PCDHGB3: variants seen among roughly 807,000 people sequenced by gnomAD.
PCDHGB3 encodes the protein protocadherin gamma-B3.
In PCDHGB3, 40 loss-of-function variants were observed where a neutral mutation model predicts 59.2. That is an observed-to-expected ratio of 0.68 (90% confidence interval 0.52 to 0.88). The LOEUF is 0.88. Ranked by LOEUF, PCDHGB3 falls within the 40% of genes least tolerant of loss-of-function variation. PCDHGB3 has a pLI of 0.00. For synonymous variants in PCDHGB3, 581 were observed against 503.6 expected, an observed-to-expected ratio of 1.15 and a Z score of -2.06; for missense variants, 1,309 against 1,187.9, an observed-to-expected ratio of 1.10 and a Z score of -1.50.
At chr5:141,409,437 G>A in intron 1 of PCDHGB3, 1 of 1,613,968 alleles carries the variant, frequency 6.2e-7, no homozygotes, top group Non-Finnish European at 8.5e-7. Context: ...GCCCTGGACC[G>A]AGAGCAGACA....
In PCDHGB3 at chr5:141,410,323, G is replaced by T. The variant is rs1415994094; in HGVS notation, c.2415+37514G>T. 3.7e-6 allele frequency: 6 copies of T among 1,613,884 alleles called. No homozygotes were observed. The South Asian group carries it at 5.5e-5, about 15-fold the overall frequency. ...TCTCAGTGCTCTTCCTCCTCGCCGT[G>T]ATTCTGGCCATTGCCTTGCGCCTGC... is the stretch of plus-strand genomic sequence containing the variant. On this transcript the variant is annotated intron_variant, in intron 1 of 3. Transcript: ENST00000576222.
Position 141,413,313 on chromosome 5 carries a change from C to T in PCDHGB3, c.2415+40504C>T, listed in dbSNP as rs1346034749. The T allele has an allele frequency of 1.9e-6, 3 of 1,613,842 alleles. No homozygotes were observed. The African/African-American group carries it at 4.0e-5, about 22-fold the overall frequency. On this transcript the variant is annotated intron_variant, in intron 1 of 3. Transcript: ENST00000576222. The stretch of plus-strand genomic sequence containing the variant: ...CAATTCCTGAGGAATTAGAGAAAGG[C>T]TCTTTCGTGGGCAACATCTCCAAGG...
At chr5:141,458,081 GTAAGT>G (rs2098936973) in intron 1 of PCDHGB3, among the ~76,000 whole-genome samples, 1 of 152,186 alleles carries the variant, frequency 6.6e-6, no homozygotes, top group Non-Finnish European at 1.5e-5. Context: ...CTATATTGCC[GTAAGT>G]TAAGAGTACT....
chr5:141,492,619 G>A lies in PCDHGB3; in HGVS notation c.2416-2188G>A, dbSNP rs778698501. ...GCGACTGCCGCTCTAAGTGCCGGGC[G>A]GGCAGGACTCTACGATCCTTGGGCC... On this transcript the variant is annotated intron_variant, in intron 1 of 3. Coordinates refer to ENST00000576222, the MANE Select transcript of PCDHGB3 (RefSeq NM_018924.5). 7.8e-4 allele frequency among the ~76,000 whole-genome samples: 118 copies of A among 152,234 alleles called. 1 individual carries two copies. The highest frequency in any genetic ancestry group is 3.3e-3 in the Admixed American group (51 of 15,282).
chr5:141,440,980 C>T (rs972732898), intron 1 of PCDHGB3: 1 of 152,242 alleles, frequency 6.6e-6, no homozygotes. Context: ...GCTTCACAAC[C>T]CAGAGTACCC....
intron 2 of PCDHGB3, among the ~76,000 whole-genome samples, chr5:141,501,620 T>G (rs1393018933): frequency 6.6e-6 from 1 of 152,090 alleles, no homozygotes; most frequent in Non-Finnish European, 1.5e-5. Context: ...GACTCTGGTA[T>G]AGTCTCTCAA....
chr5:141,460,983 G>A (rs12516231), intron 1 of PCDHGB3, among the ~76,000 whole-genome samples: 37,603 of 137,412 alleles, frequency 0.27, 5,103 homozygotes, highest in Admixed American at 0.34. Flanking sequence ...GTGTGTGTGT[G>A]TATATATATA....
chr5:141,488,751 C>T (rs1185515068), intron 1 of PCDHGB3, among the ~76,000 whole-genome samples: 1 of 152,154 alleles, frequency 6.6e-6, no homozygotes, highest in Non-Finnish European at 1.5e-5. Context: ...CAGGAAGTTG[C>T]TGGGACAGAA....
intron 1 of PCDHGB3, among the ~76,000 whole-genome samples, chr5:141,456,303 G>A (rs941370138): frequency 6.6e-6 from 1 of 152,156 alleles, no homozygotes; most frequent in Non-Finnish European, 1.5e-5. Flanking sequence ...ATGGAGAACA[G>A]CAGCTAGGGC....
At chr5:141,384,768 G>A (rs1046016115) in intron 1 of PCDHGB3, 20 of 1,613,804 alleles carry the variant, frequency 1.2e-5, no homozygotes, top group Non-Finnish European at 1.6e-5. Context: ...GGCTGTACAC[G>A]GGCGAGGTGC....
chr5:141,372,053 C>G lies in PCDHGB3; in HGVS notation c.1659C>G (p.Asp553Glu). The change falls in exon 1 of 4, where the codon GAC becomes GAG. Residue 553 changes from aspartate (D) to glutamate (E), a missense_variant. By Grantham distance (45) the Asp-to-Glu change is conservative (BLOSUM62 2). Coordinates refer to ENST00000576222, the MANE Select transcript of PCDHGB3 (RefSeq NM_018924.5). ...SANVSLRVLV[D>E]DRNDNAPLVL... The stretch of plus-strand genomic sequence containing the variant: ...ACGTGAGCCTGCGCGTGTTGGTGGA[C>G]GACCGCAACGACAATGCACCGCTGG... 1 of 1,613,498 alleles carries G rather than the reference C, an allele frequency of 6.2e-7. No homozygotes were observed. Among genetic ancestry groups the G allele is most frequent in the South Asian group, 1.1e-5 (1 of 91,082 alleles).
At position 141,491,692 on chromosome 5, in the gene PCDHGB3, C is replaced by T. The variant is rs749349869; in HGVS notation, c.2416-3115C>T. On this transcript the variant is annotated intron_variant, in intron 1 of 3. Coordinates refer to ENST00000576222, the MANE Select transcript of PCDHGB3 (RefSeq NM_018924.5). This position sits in a 1 kb window ranked among gnomAD's most constrained non-coding sequence, Gnocchi z 6.9. ...GTCCCGCTCTAATACGCTGCGGGAG[C>T]GGAGCCAGGTGAGGGGCTCGGCGCC... is the stretch of plus-strand genomic sequence containing the variant. 1 of 1,612,594 alleles carries T rather than the reference C, an allele frequency of 6.2e-7. No homozygotes were observed. The highest frequency in any genetic ancestry group is 8.5e-7 in the Non-Finnish European group (1 of 1,179,340).
intron 1 of PCDHGB3, chr5:141,388,748 C>T: frequency 6.2e-7 from 1 of 1,613,928 alleles, no homozygotes; most frequent in Non-Finnish European, 8.5e-7. Flanking sequence ...GCCAGATCAC[C>T]CAATTTGACC....
chr5:141,388,723 C>T, intron 1 of PCDHGB3: 1 of 1,614,018 alleles, frequency 6.2e-7, no homozygotes, highest in Non-Finnish European at 8.5e-7. Flanking sequence ...ATTACTTTCT[C>T]TTTCAGTGAA....
chr5:141,495,449 G>T (rs1249221693), intron 2 of PCDHGB3, among the ~76,000 whole-genome samples: 1 of 152,194 alleles, frequency 6.6e-6, no homozygotes, highest in East Asian at 1.9e-4. Flanking sequence ...TACTTGTCCT[G>T]CTCTCTGTCT....
chr5:141,430,629 C>A, intron 1 of PCDHGB3: 1 of 812,246 alleles, frequency 1.2e-6, no homozygotes. Context: ...AGGAATGAAC[C>A]ATCCCTGGGA....
Position 141,431,599 on chromosome 5 carries a change from C to T in PCDHGB3, c.2415+58790C>T. On this transcript the variant is annotated intron_variant, in intron 1 of 3. Transcript: ENST00000576222. The surrounding 1 kb of genome is among the most constrained non-coding windows in gnomAD (Gnocchi z 4.8). ...GAGTCAATGCGGAAGTGAGGTATTC[C>T]TTCCGGTATGTGGACGACAAGGCGG... 1 of 1,614,194 alleles carries T rather than the reference C, an allele frequency of 6.2e-7. No individual in the cohort carries two copies. The highest frequency in any genetic ancestry group is 8.5e-7 in the Non-Finnish European group (1 of 1,180,034).
Position 141,490,867 on chromosome 5 carries a change from C to G in PCDHGB3, c.2416-3940C>G. ...GGGGGTTCGAGACTCCGGCTCTCCC[C>G]CATTGCATGCCAACACATCTCTGCA... On this transcript the variant is annotated intron_variant, in intron 1 of 3. Coordinates refer to ENST00000576222, the MANE Select transcript of PCDHGB3 (RefSeq NM_018924.5). This position sits in a 1 kb window ranked among gnomAD's most constrained non-coding sequence, Gnocchi z 5.4. 6.2e-7 allele frequency: 1 copy of G among 1,613,912 alleles called. No individual in the cohort carries two copies. The highest frequency in any genetic ancestry group is 8.5e-7 in the Non-Finnish European group (1 of 1,179,936).
chr5:141,489,837 G>A lies in PCDHGB3; in HGVS notation c.2416-4970G>A. 6.2e-7 allele frequency: 1 copy of A among 1,614,204 alleles called. No individual in the cohort carries two copies. ...TCCCAGAGCTGGTGCTAGAGCAGCAGCTGGATCGTGAAGCCCAGGCAAGAC... is the reference window on the plus strand; with the variant it reads ...TCCCAGAGCTGGTGCTAGAGCAGCAACTGGATCGTGAAGCCCAGGCAAGAC... On this transcript the variant is annotated intron_variant, in intron 1 of 3. Transcript: ENST00000576222. This position sits in a 1 kb window ranked among gnomAD's most constrained non-coding sequence, Gnocchi z 4.5.
Sources: gnomAD v4.1 joint callset for allele counts (sites outside exome capture counted in the v4.1 genomes callset) on GRCh38, gnomAD v4.1.1 for gene constraint, Gnocchi (gnomAD v3.1) non-coding constraint, MANE v1.5 for transcripts, NCBI Gene and HGNC (gene_info 2026-07-23, HGNC 2026-07-21) for gene names.